The following FNBP1 variants were observed in gnomAD, a reference collection of about 807,000 sequenced individuals.
The protein encoded by FNBP1 is formin-binding protein 1.
FNBP1 carries 26 observed loss-of-function variants against 90.6 expected under a neutral mutation model. That is an observed-to-expected ratio of 0.29 (90% confidence interval 0.21 to 0.40). The LOEUF is 0.40. FNBP1 is among the 10% of genes least tolerant of loss of function. The pLI is 1.00. For missense variants in FNBP1, 635 were observed against 768.0 expected, an observed-to-expected ratio of 0.83 and a Z score of 2.05; for synonymous variants, 260 against 265.2, an observed-to-expected ratio of 0.98 and a Z score of 0.19.
chr9:130,011,215 CAAAAAAAAAAAAAAA>C (rs1192541205), intron 1 of FNBP1, among the ~76,000 whole-genome samples: 8 of 13,424 alleles, frequency 6.0e-4, no homozygotes, highest in Non-Finnish European at 8.6e-4. Context: ...GACTCCATCT[CAAAAAAAAAAAAAAA>C]AAAAAAAAAA....
intron 4 of FNBP1, among the ~76,000 whole-genome samples, chr9:129,960,585 C>G (rs541698926): frequency 1.8e-4 from 27 of 152,010 alleles, no homozygotes; most frequent in East Asian, 1.9e-4. Flanking sequence ...ACCTGGCGGC[C>G]AGATCTGGAG....
chr9:129,968,805 G>A (rs1000672442), intron 4 of FNBP1, among the ~76,000 whole-genome samples: 4 of 152,132 alleles, frequency 2.6e-5, no homozygotes, highest in Admixed American at 1.3e-4. Context: ...GTTTCCTCTA[G>A]AACTCTTCAG....
intron 12 of FNBP1, among the ~76,000 whole-genome samples, chr9:129,905,456 C>T (rs1171368622): frequency 2.0e-5 from 3 of 151,956 alleles, no homozygotes; most frequent in East Asian, 1.9e-4. Context: ...GGACTACAGG[C>T]GCCCCATCAT....
chr9:129,980,585 C>T (rs2051042408), intron 2 of FNBP1, among the ~76,000 whole-genome samples: 2 of 151,236 alleles, frequency 1.3e-5, no homozygotes, highest in African/African-American at 4.9e-5. Context: ...CCTAGTTTCC[C>T]TTCCTAATCT....
chr9:130,049,717 A>T, the FNBP1 span, among the ~76,000 whole-genome samples: 48 of 152,222 alleles, frequency 3.2e-4, no homozygotes, highest in African/African-American at 7.2e-4. Context: ...AAATAAAAAT[A>T]AAAATAAAAA....
intron 1 of FNBP1, among the ~76,000 whole-genome samples, chr9:130,010,481 C>T (rs933405346): frequency 6.6e-6 from 1 of 152,170 alleles, no homozygotes; most frequent in African/African-American, 2.4e-5. Context: ...TGGTCTCCAA[C>T]TCTTAACCTA....
At chr9:129,997,022 T>C (rs2054110611) in intron 1 of FNBP1, among the ~76,000 whole-genome samples, 1 of 151,714 alleles carries the variant, frequency 6.6e-6, no homozygotes, top group East Asian at 2.0e-4. Flanking sequence ...AACCACTTTA[T>C]TAAGGTATGA....
At chr9:130,006,019 A>G (rs1431141639) in intron 1 of FNBP1, among the ~76,000 whole-genome samples, 1 of 151,850 alleles carries the variant, frequency 6.6e-6, no homozygotes, top group Non-Finnish European at 1.5e-5. Context: ...AAGGGGCTCC[A>G]GCACCACAGT....
At chr9:129,989,394 A>G (rs1435881368) in intron 2 of FNBP1, among the ~76,000 whole-genome samples, 1 of 152,124 alleles carries the variant, frequency 6.6e-6, no homozygotes, top group Non-Finnish European at 1.5e-5. Flanking sequence ...ATCAGCTCTC[A>G]CAGGCCGGTG....
intron 1 of FNBP1, among the ~76,000 whole-genome samples, chr9:130,030,169 T>C (rs867578067): frequency 1.3e-5 from 2 of 152,110 alleles, no homozygotes; most frequent in Admixed American, 1.3e-4. Context: ...GCACACTGGC[T>C]CATGCCTGTA....
intron 2 of FNBP1, among the ~76,000 whole-genome samples, chr9:129,989,204 G>A (rs1463147297): frequency 1.3e-5 from 2 of 152,144 alleles, no homozygotes; most frequent in Non-Finnish European, 1.5e-5. Flanking sequence ...CATATTTGGA[G>A]TCATACATGC....
intron 10 of FNBP1, chr9:129,918,998 C>CTT (rs5900875): frequency 0.024 from 3,609 of 153,240 alleles, 49 homozygotes; most frequent in East Asian, 0.05. Context: ...TTAGGCTTTT[C>CTT]TTTTTTTTTT....
chr9:130,026,686 C>T (rs995422394), intron 1 of FNBP1, among the ~76,000 whole-genome samples: 4 of 152,010 alleles, frequency 2.6e-5, no homozygotes, highest in Non-Finnish European at 5.9e-5. Flanking sequence ...GGTGCAGTGG[C>T]TCACGCTTCT....
intron 6 of FNBP1, among the ~76,000 whole-genome samples, chr9:129,933,238 C>T (rs2043011887): frequency 6.6e-6 from 1 of 151,788 alleles, no homozygotes; most frequent in Admixed American, 6.6e-5. Flanking sequence ...CACACACATA[C>T]ACACACACAC....
At chr9:129,988,204 A>G (rs2131142841) in intron 2 of FNBP1, among the ~76,000 whole-genome samples, 1 of 152,126 alleles carries the variant, frequency 6.6e-6, no homozygotes, top group South Asian at 2.1e-4. Context: ...AGTTTCTGGA[A>G]AGGGACTGGA....
At chr9:129,909,743 C>T (rs1216277932) in intron 11 of FNBP1, among the ~76,000 whole-genome samples, 2 of 152,170 alleles carry the variant, frequency 1.3e-5, no homozygotes, top group Non-Finnish European at 2.9e-5. Flanking sequence ...CCTGCCTCAG[C>T]CTCCTAAGTA....
At position 129,893,612 on chromosome 9, in the gene FNBP1, C is replaced by CAAAAAAAAAAAA. The variant is rs1216398298; in HGVS notation, c.1846+2214_1846+2225dup. Among the ~76,000 whole-genome samples the CAAAAAAAAAAAA allele has an allele frequency of 9.0e-5, 2 of 22,312 alleles. 1 individual carries two copies. The highest frequency in any genetic ancestry group is 1.6e-4 in the Non-Finnish European group (2 of 12,396). 14.6% of individuals were successfully genotyped at this position (22,312 alleles called of 152,430 possible). On this transcript the variant is annotated intron_variant, in intron 16 of 16. Coordinates refer to ENST00000446176, the MANE Select transcript of FNBP1 (RefSeq NM_015033.3). ...TAGGTGACAGAGTGAGACTCTGTCT[C>CAAAAAAAAAAAA]AAAAAAAAAAAAAAAAAAAAAAAAA... is the stretch of plus-strand genomic sequence containing the variant.
Position 129,994,913 on chromosome 9 carries a change from T to G in FNBP1, c.70A>C (p.Ile24Leu). 1 of 1,608,736 alleles carries G rather than the reference T, an allele frequency of 6.2e-7. No homozygotes were observed. Among genetic ancestry groups the G allele is most frequent in the Non-Finnish European group, 8.5e-7 (1 of 1,176,320 alleles). The change falls in exon 2 of 17, where the codon ATT becomes CTT. Residue 24 changes from isoleucine to leucine, a missense_variant. Ile to Leu is a conservative substitution (Grantham distance 5). Coordinates refer to ENST00000446176, the MANE Select transcript of FNBP1 (RefSeq NM_015033.3). Reference protein sequence around the residue: ...LEKHTQWGIDILEKYIKFVKE... With the variant: ...LEKHTQWGIDLLEKYIKFVKE... ...ACAAACTTGATATATTTCTCAAGAATATCAATTCCCCACTGTGTGTGTTTT... is the reference window on the plus strand; with the variant it reads ...ACAAACTTGATATATTTCTCAAGAAGATCAATTCCCCACTGTGTGTGTTTT...
Position 129,966,227 on chromosome 9 carries a change from G to A in FNBP1, c.346-7674C>T, listed in dbSNP as rs2048618363. On this transcript the variant is annotated intron_variant, in intron 4 of 16. Transcript: ENST00000446176. The surrounding 1 kb of genome is among the most constrained non-coding windows in gnomAD (Gnocchi z 4.3). ...GTAGAGACTTGCATAAAACGTGGGAGTGAACTTACAAGGGTCTGAGGAATA... is the reference window on the plus strand; with the variant it reads ...GTAGAGACTTGCATAAAACGTGGGAATGAACTTACAAGGGTCTGAGGAATA... Among the ~76,000 whole-genome samples, 1 of 152,198 alleles carries A rather than the reference G, an allele frequency of 6.6e-6. No homozygotes were observed. The highest frequency in any genetic ancestry group is 2.4e-5 in the African/African-American group (1 of 41,458).
Sources: gnomAD v4.1 joint callset for allele counts (sites outside exome capture counted in the v4.1 genomes callset) on GRCh38, gnomAD v4.1.1 for gene constraint, Gnocchi (gnomAD v3.1) non-coding constraint, MANE v1.5 for transcripts, NCBI Gene and HGNC (gene_info 2026-07-23, HGNC 2026-07-21) for gene names.